The following KIR3DL1 variants were observed in gnomAD, a reference collection of about 807,000 sequenced individuals.
KIR3DL1 encodes the protein killer cell immunoglobulin like receptor, three Ig domains and long cytoplasmic tail 1.
Under a neutral mutation model 40.3 loss-of-function variants are expected in KIR3DL1, and 50 were observed. The ratio of observed to expected loss-of-function variants is 1.24; its 90% CI spans 0.99 to 1.57. The LOEUF (loss-of-function observed/expected upper bound fraction) is 1.57, where lower values mean the gene tolerates loss of function less well. KIR3DL1 is among the 40% of genes most tolerant of loss of function. The probability of loss-of-function intolerance (pLI) is 0.00; values close to 1 mark genes in which losing one functional copy is unlikely to be tolerated. For missense variants in KIR3DL1, 661 were observed against 559.9 expected, an observed-to-expected ratio of 1.18 and a Z score of -1.82; for synonymous variants, 257 against 207.2, an observed-to-expected ratio of 1.24 and a Z score of -2.07.
chr19:54,828,836 C>A (rs148392680), intron 6 of KIR3DL1, among the ~76,000 whole-genome samples: 9,801 of 138,038 alleles, frequency 0.071, 1,027 homozygotes, highest in Middle Eastern at 0.15. Context: ...ATGGCACCAG[C>A]ATCTATTTCT....
At chr19:54,820,161 G>C (rs1390052601) in intron 4 of KIR3DL1, 149 bp downstream of exon 4, 1 of 829,828 alleles carries the variant, frequency 1.2e-6, no homozygotes, top group South Asian at 1.6e-5. Context: ...AACAGAGACA[G>C]AGAAACAGGA....
chr19:54,829,322 C>T (rs1465223330), intron 6 of KIR3DL1, 39 bp from the exon 7 acceptor site: 2 of 1,368,916 alleles, frequency 1.5e-6, no homozygotes, highest in Non-Finnish European at 1.0e-6. Context: ...AGAGAAACTG[C>T]TATGATTAGC....
intron 4 of KIR3DL1, among the ~76,000 whole-genome samples, chr19:54,820,573 G>C (rs1192963583): frequency 9.2e-5 from 14 of 151,420 alleles, no homozygotes; most frequent in Non-Finnish European, 1.9e-4. Context: ...ACTGGATTCT[G>C]AGGCTCATAT....
intron 2 of KIR3DL1, among the ~76,000 whole-genome samples, chr19:54,817,900 T>C (rs1456965789): frequency 1.1e-4 from 16 of 145,318 alleles, no homozygotes; most frequent in African/African-American, 1.9e-4. Flanking sequence ...GTTTCCGTGA[T>C]GGTAGGGGCT....
intron 6 of KIR3DL1, among the ~76,000 whole-genome samples, chr19:54,826,180 A>G (rs2061878629): frequency 6.6e-6 from 1 of 150,392 alleles, no homozygotes; most frequent in Admixed American, 6.6e-5. Context: ...ACGGTGAACA[A>G]GATGCATTTG....
At position 54,830,255 on chromosome 19, in the gene KIR3DL1, A is replaced by T; in HGVS notation, c.1315A>T (p.Lys439Ter). 6.6e-7 allele frequency: 1 copy of T among 1,523,364 alleles called. No individual in the cohort carries two copies. The highest frequency in any genetic ancestry group is 1.4e-5 in the African/African-American group (1 of 71,970). 94.4% of individuals were successfully genotyped at this position (1,523,364 alleles called of 1,614,324 possible). Reference sequence around the variant, plus strand: ...ACTTCCAAATGCTAAGCCCAGATCCAAAGTTGTCTCCTGCCCATGAGCACC... The same window carrying T: ...ACTTCCAAATGCTAAGCCCAGATCCTAAGTTGTCTCCTGCCCATGAGCACC... Residue 439 changes from lysine to a stop codon, truncating the protein, a stop_gained, in exon 9 of 9, where the codon AAA becomes TAA. Coordinates refer to ENST00000391728, the Ensembl canonical transcript of KIR3DL1. LOFTEE classifies it high-confidence loss of function.
chr19:54,817,384 A>G (rs1192119954), intron 1 of KIR3DL1, 150 bp from the exon 2 acceptor site: 94 of 722,176 alleles, frequency 1.3e-4, no homozygotes, highest in South Asian at 1.2e-3. Context: ...CACAGCCGAG[A>G]TCCTTGTTCC....
intron 6 of KIR3DL1, among the ~76,000 whole-genome samples, 195 bp from the exon 7 acceptor site, chr19:54,829,166 T>G (rs199719825): frequency 0.057 from 7,292 of 128,202 alleles, 494 homozygotes; most frequent in South Asian, 0.089. Flanking sequence ...CTAAAGTAGT[T>G]GTATCCTCAG....
chr19:54,821,791 C>T (rs34481025), exon 5 of KIR3DL1: 462,623 of 1,589,306 alleles, frequency 0.29, 76,751 homozygotes, highest in Non-Finnish European at 0.32. Flanking sequence ...ACAGATGCTT[C>T]GGCTCTTTCC....
chr19:54,828,522 C>T (rs1219675239), intron 6 of KIR3DL1, among the ~76,000 whole-genome samples: 1 of 151,032 alleles, frequency 6.6e-6, no homozygotes, highest in Non-Finnish European at 1.5e-5. Context: ...TTCCCCAAGG[C>T]TCAGAAAAGC....
chr19:54,817,137 GATAGAAGCCTGGAGTGGAA>G (rs2061386395), intron 1 of KIR3DL1, among the ~76,000 whole-genome samples: 1 of 147,902 alleles, frequency 6.8e-6, no homozygotes, highest in Non-Finnish European at 1.5e-5. Flanking sequence ...CTGGAGAGGA[GATAGAAGCCTGGAGTGGAA>G]ATATGGGCCT....
In KIR3DL1 at chr19:54,821,579, C is replaced by G. The variant is rs369207400; in HGVS notation, c.670C>G (p.Pro224Ala). 2.5e-6 allele frequency: 4 copies of G among 1,606,616 alleles called. No homozygotes were observed. The African/African-American group carries it at 5.4e-5, about 22-fold the overall frequency. The stretch of plus-strand genomic sequence containing the variant: ...TCTCCTTCCAGGTCCATATGAGAAA[C>G]CTTCTCTCTCAGCCCAGCCGGGCCC... Residue 224 changes from proline (P) to alanine (A), a missense_variant, in exon 5 of 9, where the codon CCT (proline) becomes GCT (alanine). Physicochemically the swap from Pro to Ala is conservative, Grantham distance 27 (BLOSUM62 -1). This residue lies in a region of KIR3DL1 where 548 missense variants were observed against 413.3 expected (regional missense o/e 1.33). Transcript: ENST00000391728.
chr19:54,821,565 G>C (rs1333067100), exon 5 of KIR3DL1: 1 of 1,604,940 alleles, frequency 6.2e-7, no homozygotes, highest in Non-Finnish European at 8.5e-7. Flanking sequence ...CTCCTTCCAG[G>C]TCCATATGAG....
Position 54,817,413 on chromosome 19 carries a change from G to A in KIR3DL1, c.35-121G>A, listed in dbSNP as rs1404960677. The A allele has an allele frequency of 1.3e-5, 11 of 839,318 alleles. No individual in the cohort carries two copies. The East Asian group carries it at 2.1e-4, about 16-fold the overall frequency. The allele number at this position is 839,318 out of a possible 1,614,324, so 52.0% of individuals were successfully genotyped here. A position where few individuals can be genotyped will look rare whatever the true frequency, so the allele number is the denominator to read the frequency against. ...TTGTTCCTGGGGGCAGGTAGGCAGC[G>A]AGGGTGAGTTTACCTTCAGCCCAGC... On this transcript the variant is annotated intron_variant, in intron 1 of 8. Transcript: ENST00000391728.
At chr19:54,817,924 G>A (rs533373692) in intron 2 of KIR3DL1, among the ~76,000 whole-genome samples, 2 of 142,926 alleles carry the variant, frequency 1.4e-5, no homozygotes, top group African/African-American at 5.5e-5. Context: ...GTGTGGCTGC[G>A]GTCTTTCTAC....
intron 6 of KIR3DL1, among the ~76,000 whole-genome samples, chr19:54,828,835 G>C (rs1407666115): frequency 7.0e-6 from 1 of 142,882 alleles, no homozygotes; most frequent in African/African-American, 2.5e-5. Context: ...CATGGCACCA[G>C]CATCTATTTC....
intron 4 of KIR3DL1, 34 bp from the exon 5 acceptor site, chr19:54,821,531 A>G: frequency 6.3e-7 from 1 of 1,586,260 alleles, no homozygotes; most frequent in South Asian, 1.1e-5. Context: ...ACAAGGAAGA[A>G]CCTCCCTGAG....
intron 6 of KIR3DL1, among the ~76,000 whole-genome samples, chr19:54,825,739 G>A (rs573595473): frequency 1.4e-5 from 2 of 139,842 alleles, no homozygotes; most frequent in East Asian, 2.0e-4. Context: ...CAAGGTGACA[G>A]CAAGGCTGCC....
rs556529993 is a variant in KIR3DL1, at chr19:54,826,753, C to G, written c.1000+1675C>G. ...CTGAAAGATTGGCGGAAGGATTTTC[C>G]ACACACAGCTGTCAGCCGTGAAGGC... On this transcript the variant is annotated intron_variant, in intron 6 of 8. Coordinates refer to ENST00000391728, the Ensembl canonical transcript of KIR3DL1. 1.6e-3 allele frequency among the ~76,000 whole-genome samples: 133 copies of G among 83,370 alleles called. 3 individuals carry two copies. Among genetic ancestry groups the G allele is most frequent in the African/African-American group, 4.4e-3 (127 of 28,610 alleles). 54.7% of individuals were successfully genotyped at this position (83,370 alleles called of 152,430 possible).
Sources: allele counts gnomAD v4.1 joint callset (sites outside exome capture counted in the v4.1 genomes callset), GRCh38; gene constraint gnomAD v4.1.1; regional missense constraint gnomAD v4.1.1; transcripts MANE v1.5; gene names NCBI Gene and HGNC (gene_info 2026-07-23, HGNC 2026-07-21).